MDGA2: variants seen among roughly 807,000 people sequenced by gnomAD.
MDGA2 encodes MAM domain-containing glycosylphosphatidylinositol anchor protein 2.
In MDGA2, 40 loss-of-function variants were observed where a neutral mutation model predicts 117.8. The observed-to-expected ratio is 0.34, with a 90% CI of 0.26 to 0.44. The LOEUF is 0.44. Among genes scored for constraint, MDGA2 ranks in the 20% least tolerant of loss-of-function variants. The probability of loss-of-function intolerance (pLI) is 1.00; values close to 1 mark genes in which losing one functional copy is unlikely to be tolerated. For missense variants in MDGA2, 1,123 were observed against 1,250.6 expected (o/e 0.90, Z 1.54); for synonymous variants, 452 against 439.0 (o/e 1.03, Z -0.37).
At chr14:47,087,804 A>C (rs1288286244) in intron 6 of MDGA2, among the ~76,000 whole-genome samples, 57 of 35,200 alleles carry the variant, frequency 1.6e-3, no homozygotes, top group Non-Finnish European at 6.0e-4. Context: ...AGGGTATCAA[A>C]AAAAAAAAAA....
At chr14:47,088,707 C>A (rs552928974) in intron 6 of MDGA2, among the ~76,000 whole-genome samples, 1 of 152,128 alleles carries the variant, frequency 6.6e-6, no homozygotes, top group Non-Finnish European at 1.5e-5. Flanking sequence ...CAGTGAGTGC[C>A]CAGTTGTAAG....
At chr14:47,618,241 C>T (rs572720449) in intron 1 of MDGA2, among the ~76,000 whole-genome samples, 92 of 152,284 alleles carry the variant, frequency 6.0e-4, no homozygotes, top group African/African-American at 2.1e-3. Flanking sequence ...AATATCATTC[C>T]GATGCCTATA....
chr14:47,036,143 G>A (rs987130734), intron 7 of MDGA2, among the ~76,000 whole-genome samples: 13 of 151,548 alleles, frequency 8.6e-5, no homozygotes, highest in Non-Finnish European at 1.5e-4. Flanking sequence ...GGTGGAGGGC[G>A]CCTGTAGTCC....
At chr14:47,207,719 A>C (rs1885737936) in intron 3 of MDGA2, among the ~76,000 whole-genome samples, 1 of 151,980 alleles carries the variant, frequency 6.6e-6, no homozygotes, top group South Asian at 2.1e-4. Flanking sequence ...TCTTGATTGC[A>C]TATCTGCCTC....
intron 1 of MDGA2, among the ~76,000 whole-genome samples, chr14:47,494,028 A>G (rs1263061641): frequency 2.6e-5 from 4 of 152,188 alleles, no homozygotes; most frequent in Admixed American, 6.6e-5. Context: ...TAAGTGAGTT[A>G]TCATGAGATC....
At chr14:47,088,466 A>G (rs1890990609) in intron 6 of MDGA2, among the ~76,000 whole-genome samples, 1 of 152,198 alleles carries the variant, frequency 6.6e-6, no homozygotes. Flanking sequence ...TCATCATTAT[A>G]GTTTTAATAA....
chr14:47,372,878 A>G (rs962566966), intron 1 of MDGA2, among the ~76,000 whole-genome samples: 6 of 151,972 alleles, frequency 3.9e-5, no homozygotes, highest in African/African-American at 1.4e-4. Flanking sequence ...ATTTTATGGA[A>G]TGCTGTGTCA....
At chr14:47,146,063 T>C (rs1594667650) in intron 3 of MDGA2, among the ~76,000 whole-genome samples, 2 of 152,262 alleles carry the variant, frequency 1.3e-5, no homozygotes, top group East Asian at 1.9e-4. Flanking sequence ...TGTGTGAGCA[T>C]ATGCTACCCT....
chr14:47,384,947 A>C (rs1266896114), intron 1 of MDGA2, among the ~76,000 whole-genome samples: 1 of 152,202 alleles, frequency 6.6e-6, no homozygotes, highest in African/African-American at 2.4e-5. Context: ...CAGCTATTTC[A>C]AATTTGTCTT....
At chr14:47,030,313 G>A (rs937553582) in intron 8 of MDGA2, among the ~76,000 whole-genome samples, 1 of 151,840 alleles carries the variant, frequency 6.6e-6, no homozygotes, top group East Asian at 2.0e-4. Flanking sequence ...TCAGGAGTTC[G>A]AGACTAGCCT....
At chr14:47,093,387 A>G (rs1879782059) in intron 6 of MDGA2, among the ~76,000 whole-genome samples, 1 of 152,106 alleles carries the variant, frequency 6.6e-6, no homozygotes, top group Admixed American at 6.6e-5. Context: ...TTCATGAGAG[A>G]AGAGAGATGT....
intron 8 of MDGA2, among the ~76,000 whole-genome samples, chr14:47,009,502 C>A (rs1887823150): frequency 6.6e-6 from 1 of 151,980 alleles, no homozygotes; most frequent in Non-Finnish European, 1.5e-5. Context: ...TAATCAGTAT[C>A]CACTTTTCTC....
intron 2 of MDGA2, among the ~76,000 whole-genome samples, chr14:47,286,824 T>TAC (rs1491068614): frequency 2.9e-5 from 3 of 104,208 alleles, no homozygotes; most frequent in Admixed American, 2.9e-4. Context: ...TATATATATA[T>TAC]ACATATATAT....
chr14:47,605,465 A>G (rs1368602201), intron 1 of MDGA2, among the ~76,000 whole-genome samples: 1 of 152,216 alleles, frequency 6.6e-6, no homozygotes, highest in African/African-American at 2.4e-5. Context: ...GCTGGTAAAC[A>G]GAAGATCAGA....
intron 1 of MDGA2, among the ~76,000 whole-genome samples, chr14:47,436,874 T>G (rs1327262966): frequency 6.6e-6 from 1 of 152,074 alleles, no homozygotes; most frequent in African/African-American, 2.4e-5. Context: ...GCTCACTGCA[T>G]CTGTACCTTG....
chr14:47,066,930 A>AGTGAAACCC (rs1305293434), intron 6 of MDGA2, among the ~76,000 whole-genome samples: 21 of 152,150 alleles, frequency 1.4e-4, no homozygotes, highest in African/African-American at 2.4e-4. Flanking sequence ...TCTGTCCAAC[A>AGTGAAACCC]CAGTGAAACC....
intron 1 of MDGA2, among the ~76,000 whole-genome samples, chr14:47,518,358 A>G (rs752850496): frequency 6.6e-6 from 1 of 152,196 alleles, no homozygotes; most frequent in Non-Finnish European, 1.5e-5. Flanking sequence ...TATAGAGATA[A>G]ATAATTTCTA....
At chr14:47,349,208 G>T (rs769796681) in intron 1 of MDGA2, among the ~76,000 whole-genome samples, 1 of 152,184 alleles carries the variant, frequency 6.6e-6, no homozygotes, top group Non-Finnish European at 1.5e-5. Flanking sequence ...AATAGAAAAG[G>T]TCTGTCAGAG....
At chr14:47,481,100 G>A (rs1373702795) in intron 1 of MDGA2, among the ~76,000 whole-genome samples, 6 of 151,848 alleles carry the variant, frequency 4.0e-5, no homozygotes, top group Non-Finnish European at 8.8e-5. Context: ...CAGCAAATAC[G>A]AGTTAACCAG....
Sources: gnomAD v4.1 joint callset for allele counts (sites outside exome capture counted in the v4.1 genomes callset) on GRCh38, gnomAD v4.1.1 for gene constraint, MANE v1.5 for transcripts, NCBI Gene and HGNC (gene_info 2026-07-23, HGNC 2026-07-21) for gene names.